PRKN: variants seen among roughly 807,000 people sequenced by gnomAD.
The protein encoded by PRKN is E3 ubiquitin-protein ligase parkin.
A neutral mutation model predicts 59.5 loss-of-function variants in PRKN; 56 were observed. The observed-to-expected ratio is 0.94, with a 90% CI of 0.76 to 1.18. The LOEUF (loss-of-function observed/expected upper bound fraction) is 1.18, where lower values mean the gene tolerates loss of function less well. Ranked by LOEUF, PRKN falls within the 50% of genes most tolerant of loss-of-function variation. PRKN has a pLI of 0.00. For synonymous variants in PRKN, 250 were observed against 222.1 expected, an observed-to-expected ratio of 1.13 and a Z score of -1.12; for missense variants, 657 against 596.4, an observed-to-expected ratio of 1.10 and a Z score of -1.06.
At chr6:161,573,117 T>C (rs896329133) in intron 7 of PRKN, among the ~76,000 whole-genome samples, 3 of 151,908 alleles carry the variant, frequency 2.0e-5, no homozygotes, top group African/African-American at 7.3e-5. Flanking sequence ...GTCCGAAGGG[T>C]AGAGTCACAG....
chr6:162,339,293 G>C (rs1261050511), intron 2 of PRKN, among the ~76,000 whole-genome samples: 1 of 145,910 alleles, frequency 6.9e-6, no homozygotes. Context: ...AGGGAGGTGG[G>C]GGGGTCAGCC....
chr6:161,507,654 T>G (rs1778224540), intron 9 of PRKN, among the ~76,000 whole-genome samples: 1 of 152,132 alleles, frequency 6.6e-6, no homozygotes. Flanking sequence ...CCCTCCATTC[T>G]CTGCCTCCTC....
chr6:161,643,298 C>T (rs1001359882), intron 7 of PRKN, among the ~76,000 whole-genome samples: 1 of 152,080 alleles, frequency 6.6e-6, no homozygotes, highest in Non-Finnish European at 1.5e-5. Flanking sequence ...TTAAAACACA[C>T]AATTAAACCG....
Position 161,649,730 on chromosome 6 carries a change from T to C in PRKN, c.872-80314A>G, listed in dbSNP as rs73782960. On this transcript the variant is annotated intron_variant, in intron 7 of 11. Transcript: ENST00000366898. ...GCCAACTGTATCTTCCAAAGATGGC[T>C]GTCACATATTTATCATTTGAATGTT... Among the ~76,000 whole-genome samples, 665 of 152,338 alleles carry C rather than the reference T, an allele frequency of 4.4e-3. 3 individuals carry two copies. Among genetic ancestry groups the C allele is most frequent in the African/African-American group, 0.015 (637 of 41,582 alleles).
In PRKN at chr6:161,463,393, A is replaced by T. The variant is rs2115170975; in HGVS notation, c.1084-76516T>A. ...TCTTGAATCATGTTTTCCAGAGGTC[A>T]ACTGAGTCTAAGAAGACATTAAAAA... is the stretch of plus-strand genomic sequence containing the variant. On this transcript the variant is annotated intron_variant, in intron 9 of 11. Transcript: ENST00000366898. This position sits in a 1 kb window ranked among gnomAD's most constrained non-coding sequence, Gnocchi z 4.8. Among the ~76,000 whole-genome samples the T allele has an allele frequency of 6.6e-6, 1 of 152,314 alleles. No homozygotes were observed. Among genetic ancestry groups the T allele is most frequent in the Non-Finnish European group, 1.5e-5 (1 of 68,028 alleles).
intron 9 of PRKN, among the ~76,000 whole-genome samples, chr6:161,441,473 C>T (rs1228182322): frequency 2.6e-5 from 4 of 151,642 alleles, no homozygotes; most frequent in African/African-American, 9.7e-5. Flanking sequence ...GGTGAAACCC[C>T]GTATCTACTA....
chr6:162,498,438 T>C (rs1490564422), intron 1 of PRKN, among the ~76,000 whole-genome samples: 5 of 82,138 alleles, frequency 6.1e-5, no homozygotes, highest in Non-Finnish European at 2.7e-5. Context: ...CTTTCCTTTT[T>C]CTTTTTTTTT....
At chr6:162,246,689 T>A (rs2128093845) in intron 3 of PRKN, among the ~76,000 whole-genome samples, 1 of 152,318 alleles carries the variant, frequency 6.6e-6, no homozygotes, top group African/African-American at 2.4e-5. Flanking sequence ...GTTTCTATTT[T>A]ACATTTTAAC....
chr6:162,159,977 C>T (rs1175000715), intron 4 of PRKN, among the ~76,000 whole-genome samples: 1 of 152,074 alleles, frequency 6.6e-6, no homozygotes, highest in Non-Finnish European at 1.5e-5. Flanking sequence ...TTTTTGTGAC[C>T]TTGAACTAGG....
Position 162,039,157 on chromosome 6 carries a change from C to CA in PRKN, c.618+14933dup, listed in dbSNP as rs1404634739. 2.6e-3 allele frequency among the ~76,000 whole-genome samples: 237 copies of CA among 89,484 alleles called. 1 individual carries two copies. Among genetic ancestry groups the CA allele is most frequent in the Admixed American group, 3.5e-3 (35 of 9,860 alleles). 58.7% of individuals were successfully genotyped at this position (89,484 alleles called of 152,430 possible). On this transcript the variant is annotated intron_variant, in intron 5 of 11. Transcript: ENST00000366898. ...GGCGACAGAGCGAGACTCCATCTCACAAAAAAAAAAAAAAGTGCTTGCTAC... is the reference window on the plus strand; with the variant it reads ...GGCGACAGAGCGAGACTCCATCTCACAAAAAAAAAAAAAAAGTGCTTGCTAC...
At chr6:162,226,319 C>T (rs1204728079) in intron 3 of PRKN, among the ~76,000 whole-genome samples, 3 of 152,028 alleles carry the variant, frequency 2.0e-5, no homozygotes, top group Non-Finnish European at 4.4e-5. Context: ...GAGAGTGCTC[C>T]CCTCCAAGGC....
intron 1 of PRKN, among the ~76,000 whole-genome samples, chr6:162,689,877 C>G (rs760111871): frequency 6.6e-6 from 1 of 152,180 alleles, no homozygotes; most frequent in Non-Finnish European, 1.5e-5. Context: ...ACTTCAAAAA[C>G]AAACCAAAAA....
At chr6:161,537,791 T>C (rs1451533261) in intron 9 of PRKN, among the ~76,000 whole-genome samples, 2 of 152,192 alleles carry the variant, frequency 1.3e-5, no homozygotes, top group African/African-American at 2.4e-5. Flanking sequence ...CATTTGATAA[T>C]GTGTGTAAGA....
Position 161,699,819 on chromosome 6 carries a change from A to C in PRKN, c.871+85953T>G, listed in dbSNP as rs1786177361. Among the ~76,000 whole-genome samples, 4 of 152,156 alleles carry C rather than the reference A, an allele frequency of 2.6e-5. 1 individual carries two copies. The highest frequency in any genetic ancestry group is 9.6e-5 in the African/African-American group (4 of 41,454). The stretch of plus-strand genomic sequence containing the variant: ...TGAGGGTGGTTTCACCGATGTGTAC[A>C]TACAACAACATGTATCAGACTGTAC... On this transcript the variant is annotated intron_variant, in intron 7 of 11. Coordinates refer to ENST00000366898, the MANE Select transcript of PRKN (RefSeq NM_004562.3).
At chr6:161,978,006 T>TTATTTTATTG (rs1341729277) in intron 5 of PRKN, among the ~76,000 whole-genome samples, 20 of 146,078 alleles carry the variant, frequency 1.4e-4, no homozygotes, top group African/African-American at 5.0e-4. Flanking sequence ...TAATTTGCAG[T>TTATTTTATTG]TATTTTATTG....
intron 5 of PRKN, among the ~76,000 whole-genome samples, chr6:162,018,699 T>C (rs1783021134): frequency 6.6e-6 from 1 of 152,198 alleles, no homozygotes. Flanking sequence ...AATCTCTAAT[T>C]GTATTTATAT....
chr6:161,902,386 A>C (rs1777950137), intron 6 of PRKN, among the ~76,000 whole-genome samples: 1 of 152,108 alleles, frequency 6.6e-6, no homozygotes, highest in Non-Finnish European at 1.5e-5. Flanking sequence ...TTGTGATTCA[A>C]TAAGAAGTCT....
chr6:162,204,826 C>T (rs1784867203), intron 3 of PRKN, among the ~76,000 whole-genome samples: 2 of 151,578 alleles, frequency 1.3e-5, no homozygotes, highest in African/African-American at 4.8e-5. Flanking sequence ...TCTACCATTC[C>T]TTAGCCTAAG....
At chr6:161,368,397 A>G (rs1174498695) in intron 10 of PRKN, among the ~76,000 whole-genome samples, 2 of 141,852 alleles carry the variant, frequency 1.4e-5, no homozygotes, top group Non-Finnish European at 3.1e-5. Flanking sequence ...ATATATATAT[A>G]TATATATATA....
Sources: gnomAD v4.1 joint callset for allele counts (sites outside exome capture counted in the v4.1 genomes callset) on GRCh38, gnomAD v4.1.1 for gene constraint, Gnocchi (gnomAD v3.1) non-coding constraint, MANE v1.5 for transcripts, NCBI Gene and HGNC (gene_info 2026-07-23, HGNC 2026-07-21) for gene names.